Variants in CARMIL1 observed in about 807,000 individuals in gnomAD.
CARMIL1 encodes F-actin-uncapping protein LRRC16A.
In CARMIL1, 90 loss-of-function variants were observed where a neutral mutation model predicts 177.1. The ratio of observed to expected loss-of-function variants is 0.51; its 90% confidence interval spans 0.43 to 0.61. CARMIL1 has a LOEUF of 0.61. CARMIL1 is among the 20% of genes least tolerant of loss of function. The probability of loss-of-function intolerance (pLI) is 0.00; values close to 1 mark genes in which losing one functional copy is unlikely to be tolerated. For synonymous variants in CARMIL1, 577 were observed against 606.2 expected (o/e 0.95, Z 0.71); for missense variants, 1,380 against 1,667.0 (o/e 0.83, Z 3.00).
chr6:25,448,345 T>G (rs1484148234), intron 5 of CARMIL1, among the ~76,000 whole-genome samples: 1 of 152,138 alleles, frequency 6.6e-6, no homozygotes, highest in Non-Finnish European at 1.5e-5. Flanking sequence ...CTTCTGTTAC[T>G]CCTTTCTTTA....
rs537470536 is a variant in CARMIL1, at chr6:25,447,231, A to T, written c.372-2667A>T. The stretch of plus-strand genomic sequence containing the variant: ...AATACAATAAAATGAGGTATGTCGG[A>T]ACCTGATTATGTCTTAGTCATAAAA... On this transcript the variant is annotated intron_variant, in intron 5 of 36. Coordinates refer to ENST00000329474, the MANE Select transcript of CARMIL1 (RefSeq NM_017640.6). Among the ~76,000 whole-genome samples the T allele has an allele frequency of 2.6e-5, 4 of 152,360 alleles. No individual in the cohort carries two copies. In the South Asian group the frequency reaches 6.2e-4, roughly 24 times the overall value.
intron 32 of CARMIL1, among the ~76,000 whole-genome samples, chr6:25,599,430 C>T (rs1208648791): frequency 3.3e-5 from 5 of 152,046 alleles, no homozygotes; most frequent in Admixed American, 6.5e-5. Flanking sequence ...ATTTTAATGG[C>T]GATTCAGGGG....
At position 25,293,302 on chromosome 6, in the gene CARMIL1, G is replaced by T. The variant is rs184457560; in HGVS notation, c.138+8393G>T. Among the ~76,000 whole-genome samples the T allele has an allele frequency of 5.8e-3, 843 of 144,616 alleles. 4 individuals carry two copies. The highest frequency in any genetic ancestry group is 0.013 in the African/African-American group (488 of 36,974). 94.9% of individuals were successfully genotyped at this position (144,616 alleles called of 152,430 possible). On this transcript the variant is annotated intron_variant, in intron 2 of 36. Coordinates refer to ENST00000329474, the MANE Select transcript of CARMIL1 (RefSeq NM_017640.6). ...TGTGTGTGTGTGTGTGTGTGTGTGT[G>T]TGTTTTGTAGCAGTAGTAGTAGTGG... is the stretch of plus-strand genomic sequence containing the variant.
At chr6:25,494,030 T>A (rs1039072271) in intron 15 of CARMIL1, among the ~76,000 whole-genome samples, 8 of 150,274 alleles carry the variant, frequency 5.3e-5, no homozygotes, top group East Asian at 3.9e-4. Flanking sequence ...TTTAAAACTT[T>A]AAAAAAAAAC....
At position 25,465,961 on chromosome 6, in the gene CARMIL1, A is replaced by G; in HGVS notation, c.690+13A>G. 6.3e-7 allele frequency: 1 copy of G among 1,583,404 alleles called. No individual in the cohort carries two copies. The highest frequency in any genetic ancestry group is 1.1e-5 in the South Asian group (1 of 89,404). ...GGATCTAAAACTGGTAAGTAATCAA[A>G]CATGCAGCAAATGTTGCTTGGCTTT... is the stretch of plus-strand genomic sequence containing the variant. On this transcript the variant is annotated intron_variant, in intron 9 of 36. Coordinates refer to ENST00000329474, the MANE Select transcript of CARMIL1 (RefSeq NM_017640.6).
rs5875032 is a variant in CARMIL1 at position 25,369,379 on chromosome 6, GT to G, written c.139-50717del. 4.9e-3 allele frequency among the ~76,000 whole-genome samples: 697 copies of G among 140,844 alleles called. 1 individual carries two copies. Among genetic ancestry groups the G allele is most frequent in the African/African-American group, 0.014 (520 of 37,456 alleles). The allele number at this position is 140,844 out of a possible 152,430, so 92.4% of individuals were successfully genotyped here. A position where few individuals can be genotyped will look rare whatever the true frequency, so the allele number is the denominator to read the frequency against. The stretch of plus-strand genomic sequence containing the variant: ...ACAGTTGAATGCAATGCTGTATTTT[GT>G]TTTTTTTTTTTTTTTTTAAAGCTAG... On this transcript the variant is annotated intron_variant, in intron 2 of 36. Coordinates refer to ENST00000329474, the MANE Select transcript of CARMIL1 (RefSeq NM_017640.6).
intron 11 of CARMIL1, among the ~76,000 whole-genome samples, chr6:25,476,816 C>T (rs1012108026): frequency 6.6e-6 from 1 of 151,986 alleles, no homozygotes; most frequent in Non-Finnish European, 1.5e-5. Flanking sequence ...AGGGCCTGGG[C>T]GCGGTGGCTC....
intron 31 of CARMIL1, among the ~76,000 whole-genome samples, chr6:25,587,458 G>A (rs1281388321): frequency 6.6e-6 from 1 of 152,064 alleles, no homozygotes; most frequent in African/African-American, 2.4e-5. Context: ...CTAAATACCA[G>A]CATTGCCTAC....
chr6:25,590,605 A>T (rs1375040494), intron 31 of CARMIL1, among the ~76,000 whole-genome samples: 1 of 152,070 alleles, frequency 6.6e-6, no homozygotes, highest in Admixed American at 6.5e-5. Flanking sequence ...AGTGTTGTCT[A>T]TATGCTTGTG....
At chr6:25,494,986 T>G in intron 15 of CARMIL1, 125 bp from the exon 16 acceptor site, 1 of 603,568 alleles carries the variant, frequency 1.7e-6, no homozygotes, top group Admixed American at 3.4e-5. Context: ...CATTTATTTG[T>G]TTCCATTTAC....
chr6:25,490,943 C>A (rs1303761705), intron 13 of CARMIL1, among the ~76,000 whole-genome samples: 1 of 152,160 alleles, frequency 6.6e-6, no homozygotes, highest in Non-Finnish European at 1.5e-5. Flanking sequence ...TATCCAGTGG[C>A]ATCCAGTGAA....
At chr6:25,353,371 G>C (rs1003101590) in intron 2 of CARMIL1, among the ~76,000 whole-genome samples, 7 of 152,174 alleles carry the variant, frequency 4.6e-5, no homozygotes, top group African/African-American at 1.4e-4. Flanking sequence ...TCTCAGATTA[G>C]AACCCAGGTC....
Position 25,478,809 on chromosome 6 carries a change from A to G in CARMIL1, c.875-3448A>G, listed in dbSNP as rs552037989. ...GGACTCCATCTTGGGGAAAAAAAAA[A>G]AGGGCATAGATTTAGATTTAGGGCG... On this transcript the variant is annotated intron_variant, in intron 11 of 36. Transcript: ENST00000329474. Among the ~76,000 whole-genome samples the G allele has an allele frequency of 1.7e-3, 254 of 152,052 alleles. 1 individual carries two copies. The highest frequency in any genetic ancestry group is 5.7e-3 in the African/African-American group (236 of 41,466).
chr6:25,393,366 G>C (rs1793065050), intron 2 of CARMIL1: 1 of 151,948 alleles, frequency 6.6e-6, no homozygotes, highest in African/African-American at 2.4e-5. Context: ...AGACGAGCCT[G>C]ACCAACATGG....
chr6:25,497,481 G>A lies in CARMIL1; in HGVS notation c.1325+2266G>A, dbSNP rs116162074. Among the ~76,000 whole-genome samples the A allele has an allele frequency of 7.3e-3, 1,113 of 152,186 alleles. 10 individuals carry two copies. Among genetic ancestry groups the A allele is most frequent in the African/African-American group, 0.022 (903 of 41,518 alleles). On this transcript the variant is annotated intron_variant, in intron 16 of 36. Coordinates refer to ENST00000329474, the MANE Select transcript of CARMIL1 (RefSeq NM_017640.6). Reference sequence around the variant, plus strand: ...AGGACATTCTCTTGGGATTACCACCGGTGAAAAGGGAAGGGGGAGAAAGCA... The same window carrying A: ...AGGACATTCTCTTGGGATTACCACCAGTGAAAAGGGAAGGGGGAGAAAGCA...
intron 2 of CARMIL1, among the ~76,000 whole-genome samples, chr6:25,398,057 TTTC>T (rs1793573030): frequency 6.6e-6 from 1 of 152,154 alleles, no homozygotes; most frequent in Admixed American, 6.5e-5. Flanking sequence ...AAGATTACAT[TTTC>T]TAAAGAATTA....
intron 2 of CARMIL1, among the ~76,000 whole-genome samples, chr6:25,310,894 C>A (rs183101411): frequency 2.8e-4 from 42 of 152,192 alleles, no homozygotes; most frequent in African/African-American, 9.9e-4. Flanking sequence ...GATGTACAAG[C>A]AATTAAAATG....
At chr6:25,421,362 A>C (rs545477078) in intron 3 of CARMIL1, among the ~76,000 whole-genome samples, 18 of 152,282 alleles carry the variant, frequency 1.2e-4, no homozygotes, top group Middle Eastern at 6.8e-3. Context: ...ATCATTAAAA[A>C]GTCAGGAAAC....
At chr6:25,608,597 A>C (rs1310817282) in intron 35 of CARMIL1, among the ~76,000 whole-genome samples, 2 of 152,236 alleles carry the variant, frequency 1.3e-5, no homozygotes, top group Non-Finnish European at 2.9e-5. Context: ...AGCACTTAGT[A>C]TATCAAGAAT....
Sources: allele counts gnomAD v4.1 joint callset (sites outside exome capture counted in the v4.1 genomes callset), GRCh38; gene constraint gnomAD v4.1.1; transcripts MANE v1.5; gene names NCBI Gene and HGNC (gene_info 2026-07-23, HGNC 2026-07-21).